The following KHDRBS2 variants were observed in gnomAD, a reference collection of about 807,000 sequenced individuals.
The protein encoded by KHDRBS2 is KH RNA binding domain containing, signal transduction associated 2.
In KHDRBS2, 26 loss-of-function variants were observed where a neutral mutation model predicts 44.3. The observed-to-expected ratio is 0.59, with a 90% CI of 0.43 to 0.81. The LOEUF (loss-of-function observed/expected upper bound fraction) is 0.81, where lower values mean the gene tolerates loss of function less well. KHDRBS2 is among the 40% of genes least tolerant of loss of function. The pLI is 0.00. For synonymous variants in KHDRBS2, 194 were observed against 151.1 expected (o/e 1.28, Z -2.08); for missense variants, 476 against 433.1 (o/e 1.10, Z -0.88).
intron 2 of KHDRBS2, among the ~76,000 whole-genome samples, chr6:62,075,638 C>T (rs565962760): frequency 3.3e-5 from 5 of 152,024 alleles, no homozygotes; most frequent in African/African-American, 9.6e-5. Context: ...ATTTTTTCCT[C>T]CTGCTTTCTT....
the KHDRBS2 span, among the ~76,000 whole-genome samples, chr6:61,591,476 G>T: frequency 6.6e-6 from 1 of 152,134 alleles, no homozygotes; most frequent in Non-Finnish European, 1.5e-5. Context: ...ATACTTCTGA[G>T]GTAGTGATAT....
intron 1 of KHDRBS2, among the ~76,000 whole-genome samples, chr6:62,246,599 C>G (rs190499050): frequency 3.3e-5 from 5 of 152,040 alleles, no homozygotes; most frequent in Admixed American, 1.3e-4. Context: ...TAATCAAAGT[C>G]AACTTTAGGA....
At chr6:62,003,570 G>C (rs1009668036) in intron 3 of KHDRBS2, among the ~76,000 whole-genome samples, 3 of 151,970 alleles carry the variant, frequency 2.0e-5, no homozygotes, top group African/African-American at 7.3e-5. Flanking sequence ...AATGATGACA[G>C]ACTTTAAAAC....
At chr6:61,672,693 G>T in the KHDRBS2 span, among the ~76,000 whole-genome samples, 2,648 of 149,944 alleles carry the variant, frequency 0.018, 42 homozygotes, top group African/African-American at 0.039. Flanking sequence ...TGATGGGGTT[G>T]TGTGTTTTTT....
chr6:61,544,141 C>A, the KHDRBS2 span, among the ~76,000 whole-genome samples: 1 of 151,914 alleles, frequency 6.6e-6, no homozygotes, highest in African/African-American at 2.4e-5. Flanking sequence ...AGTATAAATG[C>A]TTGAAGTGAT....
chr6:61,645,315 G>A, the KHDRBS2 span, among the ~76,000 whole-genome samples: 1 of 151,988 alleles, frequency 6.6e-6, no homozygotes, highest in South Asian at 2.1e-4. Flanking sequence ...GTCTATCAGA[G>A]GGTGGGGGTT....
chr6:62,185,891 T>C (rs1210630308), intron 1 of KHDRBS2, among the ~76,000 whole-genome samples: 1 of 152,002 alleles, frequency 6.6e-6, no homozygotes, highest in Non-Finnish European at 1.5e-5. Context: ...CTAATTCGTA[T>C]GTTAAATATT....
chr6:61,621,473 C>G, the KHDRBS2 span, among the ~76,000 whole-genome samples: 1 of 152,184 alleles, frequency 6.6e-6, no homozygotes, highest in Non-Finnish European at 1.5e-5. Context: ...AGAGCTGACA[C>G]AGCTGAGTAG....
chr6:61,978,168 C>T lies in KHDRBS2; in HGVS notation c.381G>A (p.Leu127=), dbSNP rs755316815. ...CAATTAATACATGAAGCTCATCACT[C>T]AAGTGGGCATATTTGGCTTCCCCAC... is the stretch of plus-strand genomic sequence containing the variant. ...RKSGEAKYAH[L]SDELHVLIEV... Residue 127 remains leucine (L), a synonymous_variant, in exon 4 of 9, where the codon TTG becomes TTA. Transcript: ENST00000281156. 2.5e-6 allele frequency: 4 copies of T among 1,609,970 alleles called. No homozygotes were observed. The highest frequency in any genetic ancestry group is 1.3e-5 in the African/African-American group (1 of 74,822).
chr6:61,579,867 G>A, the KHDRBS2 span, among the ~76,000 whole-genome samples: 1 of 141,448 alleles, frequency 7.1e-6, no homozygotes, highest in Non-Finnish European at 1.5e-5. Context: ...AGACCACCCT[G>A]ACCAACATGG....
chr6:61,648,515 C>A, the KHDRBS2 span, among the ~76,000 whole-genome samples: 1 of 152,060 alleles, frequency 6.6e-6, no homozygotes, highest in African/African-American at 2.4e-5. Context: ...ATTTATTTTG[C>A]CCTGTGTGTC....
the KHDRBS2 span, among the ~76,000 whole-genome samples, chr6:61,626,221 A>G: frequency 1.1e-3 from 162 of 152,338 alleles, no homozygotes; most frequent in Non-Finnish European, 1.9e-4. Context: ...TATTTTATAT[A>G]GTTTTTAATT....
At chr6:62,011,794 G>C (rs530209062) in intron 3 of KHDRBS2, among the ~76,000 whole-genome samples, 3 of 152,028 alleles carry the variant, frequency 2.0e-5, no homozygotes, top group Non-Finnish European at 2.9e-5. Context: ...TGTAAGCTAT[G>C]TATCATTATT....
chr6:62,104,119 G>A (rs1802562885), intron 2 of KHDRBS2, among the ~76,000 whole-genome samples: 1 of 152,002 alleles, frequency 6.6e-6, no homozygotes, highest in South Asian at 2.1e-4. Flanking sequence ...TTAAACAAAA[G>A]CACTAACAAT....
chr6:61,904,890 A>G (rs1201359770), intron 4 of KHDRBS2, among the ~76,000 whole-genome samples: 1 of 152,152 alleles, frequency 6.6e-6, no homozygotes, highest in Non-Finnish European at 1.5e-5. Flanking sequence ...GACCCAAACT[A>G]ATATATAGGC....
intron 1 of KHDRBS2, among the ~76,000 whole-genome samples, chr6:62,259,255 T>C (rs1837937070): frequency 6.6e-6 from 1 of 151,290 alleles, no homozygotes; most frequent in Admixed American, 6.6e-5. Context: ...ACTTTAGGTA[T>C]ATACATTCCA....
At chr6:61,857,157 C>G (rs975786685) in intron 6 of KHDRBS2, among the ~76,000 whole-genome samples, 1 of 151,940 alleles carries the variant, frequency 6.6e-6, no homozygotes, top group Admixed American at 6.6e-5. Context: ...CTTTTCTTTT[C>G]TTTTTAAGAT....
At chr6:61,988,207 TGAAA>T (rs1775434050) in intron 3 of KHDRBS2, among the ~76,000 whole-genome samples, 1 of 152,090 alleles carries the variant, frequency 6.6e-6, no homozygotes, top group African/African-American at 2.4e-5. Flanking sequence ...GTCCAAACAG[TGAAA>T]GAGTGTCTTG....
chr6:61,872,290 G>T (rs1798770316), intron 6 of KHDRBS2, among the ~76,000 whole-genome samples: 2 of 151,998 alleles, frequency 1.3e-5, no homozygotes, highest in Admixed American at 1.3e-4. Flanking sequence ...CTGGTAAATT[G>T]TATATTTTGT....
Sources: allele counts gnomAD v4.1 joint callset (sites outside exome capture counted in the v4.1 genomes callset), GRCh38; gene constraint gnomAD v4.1.1; transcripts MANE v1.5; gene names NCBI Gene and HGNC (gene_info 2026-07-23, HGNC 2026-07-21).